CFAP299: variants seen among roughly 807,000 people sequenced by gnomAD.
CFAP299 encodes cilia- and flagella-associated protein 299.
In CFAP299, 21 loss-of-function variants were observed where a neutral mutation model predicts 27.0. That is an observed-to-expected ratio of 0.78 (90% CI 0.55 to 1.12). The LOEUF (loss-of-function observed/expected upper bound fraction) is 1.12, where lower values mean the gene tolerates loss of function less well. Ranked by LOEUF, CFAP299 falls within the 50% of genes most tolerant of loss-of-function variation. The probability of loss-of-function intolerance (pLI) is 0.00; values close to 1 mark genes in which losing one functional copy is unlikely to be tolerated. For synonymous variants in CFAP299, 104 were observed against 98.1 expected, an observed-to-expected ratio of 1.06 and a Z score of -0.36; for missense variants, 310 against 276.6, an observed-to-expected ratio of 1.12 and a Z score of -0.86.
chr4:80,767,525 C>T (rs557762411), intron 3 of CFAP299, among the ~76,000 whole-genome samples: 3 of 152,242 alleles, frequency 2.0e-5, no homozygotes, highest in East Asian at 1.9e-4. Context: ...AGGAGAATGG[C>T]GTGAACCCAG....
At chr4:80,954,174 A>G (rs1015666828) in intron 5 of CFAP299, among the ~76,000 whole-genome samples, 1 of 152,248 alleles carries the variant, frequency 6.6e-6, no homozygotes, top group African/African-American at 2.4e-5. Flanking sequence ...ATAACACAGA[A>G]GCAGGCATCA....
At chr4:80,926,117 A>T (rs1033930293) in intron 4 of CFAP299, among the ~76,000 whole-genome samples, 1 of 152,086 alleles carries the variant, frequency 6.6e-6, no homozygotes, top group African/African-American at 2.4e-5. Flanking sequence ...ATAGTAGTCC[A>T]GGCAAAGAAA....
chr4:80,574,041 C>A (rs914290590), intron 2 of CFAP299, among the ~76,000 whole-genome samples: 1 of 151,998 alleles, frequency 6.6e-6, no homozygotes, highest in African/African-American at 2.4e-5. Flanking sequence ...CCATAGATTT[C>A]TTTGGGTAAT....
chr4:80,941,661 AAAAAC>A (rs1553908274), intron 4 of CFAP299, among the ~76,000 whole-genome samples: 5 of 152,112 alleles, frequency 3.3e-5, no homozygotes, highest in East Asian at 1.9e-4. Flanking sequence ...ATTTATTTAA[AAAAAC>A]AAAACAAAAC....
chr4:80,611,033 G>A lies in CFAP299; in HGVS notation c.333+27850G>A, dbSNP rs180690316. 1.2e-3 allele frequency among the ~76,000 whole-genome samples: 182 copies of A among 152,068 alleles called. 1 individual carries two copies. The highest frequency in any genetic ancestry group is 3.4e-3 in the Middle Eastern group (1 of 294). On this transcript the variant is annotated intron_variant, in intron 3 of 5. Transcript: ENST00000358105. ...TTCATGGCCAAATGGTAAACCGCAG[G>A]ACCACATGACTCAATTCCCTTGAGA...
intron 3 of CFAP299, among the ~76,000 whole-genome samples, chr4:80,659,702 A>G (rs1413210959): frequency 6.6e-6 from 1 of 152,100 alleles, no homozygotes; most frequent in African/African-American, 2.4e-5. Context: ...ACAAAATAAT[A>G]TAACTACTCT....
intron 1 of CFAP299, chr4:80,336,476 T>C (rs1450797601): frequency 1.3e-5 from 2 of 152,458 alleles, no homozygotes; most frequent in Admixed American, 6.5e-5. Flanking sequence ...ACAACTAACT[T>C]TGATAGTAAA....
chr4:80,565,210 C>T (rs191441387), intron 2 of CFAP299, among the ~76,000 whole-genome samples: 20 of 152,026 alleles, frequency 1.3e-4, no homozygotes, highest in African/African-American at 4.8e-4. Context: ...CAGTATTTTT[C>T]GTAGCAAATA....
intron 3 of CFAP299, among the ~76,000 whole-genome samples, chr4:80,597,060 A>G (rs1578651381): frequency 6.6e-6 from 1 of 152,100 alleles, no homozygotes; most frequent in South Asian, 2.1e-4. Flanking sequence ...ATATATGTAT[A>G]TTGGTTTCTA....
intron 2 of CFAP299, among the ~76,000 whole-genome samples, chr4:80,562,657 C>CAAT (rs144281838): frequency 0.084 from 11,773 of 140,730 alleles, 569 homozygotes; most frequent in African/African-American, 0.12. Context: ...GACTCAATTT[C>CAAT]AATAATAATA....
chr4:80,368,882 T>C (rs1404272253), intron 2 of CFAP299, among the ~76,000 whole-genome samples: 2 of 152,174 alleles, frequency 1.3e-5, no homozygotes, highest in Non-Finnish European at 2.9e-5. Flanking sequence ...AATACAGTTG[T>C]GATTTGTTGC....
intron 3 of CFAP299, among the ~76,000 whole-genome samples, chr4:80,716,943 T>C (rs1286045128): frequency 6.6e-6 from 1 of 152,076 alleles, no homozygotes; most frequent in East Asian, 1.9e-4. Context: ...TGGTGTCTAC[T>C]TCAGACACAA....
At chr4:80,780,982 T>C (rs531408373) in intron 3 of CFAP299, among the ~76,000 whole-genome samples, 1 of 152,070 alleles carries the variant, frequency 6.6e-6, no homozygotes, top group African/African-American at 2.4e-5. Context: ...TAGAAAAATG[T>C]GTATTATGTA....
chr4:80,725,651 G>A lies in CFAP299; in HGVS notation c.333+142468G>A, dbSNP rs150458540. Among the ~76,000 whole-genome samples, 604 of 152,272 alleles carry A rather than the reference G, an allele frequency of 4.0e-3. 1 individual carries two copies. The highest frequency in any genetic ancestry group is 6.8e-3 in the Middle Eastern group (2 of 294). On this transcript the variant is annotated intron_variant, in intron 3 of 5. Coordinates refer to ENST00000358105, the MANE Select transcript of CFAP299 (RefSeq NM_152770.3). ...GACTACTCTAATCTATCCATATGAGGTATAAAAAGGGTGCAGGTACAAATC... is the reference window on the plus strand; with the variant it reads ...GACTACTCTAATCTATCCATATGAGATATAAAAAGGGTGCAGGTACAAATC...
At chr4:80,389,231 C>T (rs10031438) in intron 2 of CFAP299, among the ~76,000 whole-genome samples, 94,248 of 151,974 alleles carry the variant, frequency 0.62, 32,627 homozygotes, top group Non-Finnish European at 0.76. Flanking sequence ...GATTTTCTAC[C>T]CAGTATTATC....
intron 1 of CFAP299, among the ~76,000 whole-genome samples, chr4:80,355,903 C>G (rs1231753790): frequency 6.6e-6 from 1 of 151,920 alleles, no homozygotes. Context: ...CATCATAAAA[C>G]CTTTGCTTAT....
intron 3 of CFAP299, among the ~76,000 whole-genome samples, chr4:80,740,603 C>G (rs1190073085): frequency 2.6e-5 from 4 of 152,192 alleles, no homozygotes; most frequent in Non-Finnish European, 5.9e-5. Context: ...TGCCAAGACC[C>G]TGCACTTCAG....
chr4:80,720,950 A>G (rs1722775564), intron 3 of CFAP299, among the ~76,000 whole-genome samples: 1 of 152,202 alleles, frequency 6.6e-6, no homozygotes, highest in African/African-American at 2.4e-5. Context: ...GAAATTCTAG[A>G]GATAGAAACT....
chr4:80,808,940 G>A (rs991261959), intron 3 of CFAP299, among the ~76,000 whole-genome samples: 1 of 152,208 alleles, frequency 6.6e-6, no homozygotes, highest in South Asian at 2.1e-4. Context: ...CAGATGCAGA[G>A]AAAATGCAGA....
Sources: allele counts gnomAD v4.1 joint callset (sites outside exome capture counted in the v4.1 genomes callset), GRCh38; gene constraint gnomAD v4.1.1; transcripts MANE v1.5; gene names NCBI Gene and HGNC (gene_info 2026-07-23, HGNC 2026-07-21).